GRIN2A: variants seen among roughly 807,000 people sequenced by gnomAD.
The protein encoded by GRIN2A is glutamate ionotropic receptor NMDA type subunit 2A, also known as glutamate receptor ionotropic, NMDA 2A.
Under a neutral mutation model 113.4 loss-of-function variants are expected in GRIN2A, and 22 were observed. The observed-to-expected ratio is 0.19, with a 90% CI of 0.14 to 0.28. GRIN2A has a LOEUF of 0.28. Among genes scored for constraint, GRIN2A ranks in the 10% least tolerant of loss-of-function variants. The probability of loss-of-function intolerance (pLI) is 1.00; values close to 1 mark genes in which losing one functional copy is unlikely to be tolerated. For synonymous variants in GRIN2A, 827 were observed against 738.4 expected (o/e 1.12, Z -1.94); for missense variants, 1,502 against 1,887.0 (o/e 0.80, Z 3.78).
Position 9,921,835 on chromosome 16 carries a change from T to C in GRIN2A, c.1007+16124A>G, listed in dbSNP as rs1432093960. On this transcript the variant is annotated intron_variant, in intron 3 of 12. Coordinates refer to ENST00000330684, the MANE Select transcript of GRIN2A (RefSeq NM_001134407.3). ...ACCTAGGTGTGGGAGAAAGAAAAAC[T>C]GTGCTTCTGTCATGCCTTTGCCATG... Among the ~76,000 whole-genome samples, 3 of 152,300 alleles carry C rather than the reference T, an allele frequency of 2.0e-5. No homozygotes were observed. The East Asian group carries it at 5.8e-4, about 29-fold the overall frequency.
At chr16:10,142,848 C>A (rs1343291821) in intron 2 of GRIN2A, among the ~76,000 whole-genome samples, 1 of 152,192 alleles carries the variant, frequency 6.6e-6, no homozygotes, top group Non-Finnish European at 1.5e-5. Flanking sequence ...GGGTCTCATC[C>A]CTTTTCCAAT....
In GRIN2A at chr16:10,013,981, A is replaced by G. The variant is rs78638256; in HGVS notation, c.415-75430T>C. 7.9e-5 allele frequency among the ~76,000 whole-genome samples: 12 copies of G among 152,296 alleles called. No homozygotes were observed. In the East Asian group the frequency reaches 2.3e-3, roughly 29 times the overall value. ...CTGGGTCAAGCTCCTCTGTTGAATG[A>G]TATTTTCCTTTAGAACATTCAGCTC... On this transcript the variant is annotated intron_variant, in intron 2 of 12. Transcript: ENST00000330684.
intron 2 of GRIN2A, among the ~76,000 whole-genome samples, chr16:10,096,792 CCA>C (rs2048302469): frequency 6.6e-6 from 1 of 152,146 alleles, no homozygotes; most frequent in South Asian, 2.1e-4. Context: ...GGTCAGTCCC[CCA>C]CACATAGACC....
At chr16:9,896,867 A>G (rs1039341751) in intron 3 of GRIN2A, among the ~76,000 whole-genome samples, 3 of 152,172 alleles carry the variant, frequency 2.0e-5, no homozygotes, top group Admixed American at 1.3e-4. Context: ...GGGAAATACC[A>G]TTTTACACCA....
chr16:9,774,959 T>A (rs1260536566), intron 11 of GRIN2A, among the ~76,000 whole-genome samples: 1 of 152,228 alleles, frequency 6.6e-6, no homozygotes, highest in Non-Finnish European at 1.5e-5. Context: ...GACTCTCTTA[T>A]ATCCAAAGTA....
chr16:10,032,192 A>G (rs909437919), intron 2 of GRIN2A, among the ~76,000 whole-genome samples: 1 of 152,254 alleles, frequency 6.6e-6, no homozygotes, highest in Non-Finnish European at 1.5e-5. Flanking sequence ...CAAGAAATCC[A>G]TGAACAAATA....
intron 2 of GRIN2A, among the ~76,000 whole-genome samples, chr16:10,094,104 G>C (rs2048238047): frequency 6.6e-6 from 1 of 152,158 alleles, no homozygotes; most frequent in African/African-American, 2.4e-5. Context: ...TCATGGAGCA[G>C]TTACTCTCTG....
At position 10,039,864 on chromosome 16, in the gene GRIN2A, G is replaced by A. The variant is rs185623962; in HGVS notation, c.415-101313C>T. 9.1e-5 allele frequency among the ~76,000 whole-genome samples: 13 copies of A among 142,990 alleles called. No individual in the cohort carries two copies. In the East Asian group the frequency reaches 2.8e-3, roughly 31 times the overall value. The allele number at this position is 142,990 out of a possible 152,430, so 93.8% of individuals were successfully genotyped here. The stretch of plus-strand genomic sequence containing the variant: ...TCCTGGTCCACACCGCTCAGAGGAG[G>A]GGTGCGGCAGCCACACACTCACCAG... On this transcript the variant is annotated intron_variant, in intron 2 of 12. Coordinates refer to ENST00000330684, the MANE Select transcript of GRIN2A (RefSeq NM_001134407.3).
intron 7 of GRIN2A, among the ~76,000 whole-genome samples, chr16:9,838,792 G>T (rs1474397267): frequency 6.6e-6 from 1 of 152,114 alleles, no homozygotes; most frequent in Non-Finnish European, 1.5e-5. Context: ...TGAACTGGGG[G>T]ATGGGTTTTT....
chr16:9,892,230 T>C (rs965099011), intron 3 of GRIN2A, among the ~76,000 whole-genome samples: 1 of 137,970 alleles, frequency 7.2e-6, no homozygotes, highest in Admixed American at 7.0e-5. Context: ...AAACCCTGTC[T>C]CAGAAAAACA....
At chr16:10,039,210 C>T (rs1432641263) in intron 2 of GRIN2A, among the ~76,000 whole-genome samples, 1 of 152,026 alleles carries the variant, frequency 6.6e-6, no homozygotes, top group African/African-American at 2.4e-5. Context: ...GAGGGGGGAC[C>T]CACTCTTGTT....
chr16:9,972,567 A>AATAAAAATAAAAAAAT (rs1295356451), intron 2 of GRIN2A, among the ~76,000 whole-genome samples: 1 of 152,210 alleles, frequency 6.6e-6, no homozygotes, highest in East Asian at 1.9e-4. Flanking sequence ...TCAGAAGAGG[A>AATAAAAATAAAAAAAT]AAATAAAAAA....
chr16:10,153,138 A>C (rs1532933), intron 2 of GRIN2A, among the ~76,000 whole-genome samples: 1 of 152,016 alleles, frequency 6.6e-6, no homozygotes. Context: ...AACAATTAAT[A>C]TTGTTACAAG....
chr16:9,910,836 C>G lies in GRIN2A; in HGVS notation c.1008-19736G>C, dbSNP rs375887242. On this transcript the variant is annotated intron_variant, in intron 3 of 12. Transcript: ENST00000330684. Reference sequence around the variant, plus strand: ...TACAGGCATGAGCCACTGCACCCAGCCTTAGAGTTCTTTTGATTCAATCTT... The same window carrying G: ...TACAGGCATGAGCCACTGCACCCAGGCTTAGAGTTCTTTTGATTCAATCTT... Among the ~76,000 whole-genome samples, 7 of 152,094 alleles carry G rather than the reference C, an allele frequency of 4.6e-5. 1 individual carries two copies. Among genetic ancestry groups the G allele is most frequent in the Admixed American group, 3.9e-4 (6 of 15,268 alleles).
chr16:10,103,983 C>G (rs189395620), intron 2 of GRIN2A, among the ~76,000 whole-genome samples: 1 of 152,314 alleles, frequency 6.6e-6, no homozygotes, highest in African/African-American at 2.4e-5. Context: ...CCTGTACCTC[C>G]CTTAGTCATG....
intron 2 of GRIN2A, among the ~76,000 whole-genome samples, chr16:10,143,277 G>A (rs547986196): frequency 2.6e-5 from 4 of 152,316 alleles, no homozygotes; most frequent in South Asian, 2.1e-4. Flanking sequence ...CCTCCTTAAC[G>A]TGGTGTATTC....
intron 2 of GRIN2A, among the ~76,000 whole-genome samples, chr16:10,067,735 C>T (rs1285128106): frequency 1.3e-5 from 2 of 152,002 alleles, no homozygotes; most frequent in East Asian, 3.9e-4. Context: ...GGGACACATT[C>T]CCACCCCCAC....
intron 2 of GRIN2A, among the ~76,000 whole-genome samples, chr16:9,972,033 A>AGTCCAC (rs2045682207): frequency 6.6e-6 from 1 of 152,188 alleles, no homozygotes; most frequent in Non-Finnish European, 1.5e-5. Context: ...GAGACCTGGA[A>AGTCCAC]GTCCACGGCC....
At chr16:9,836,324 G>C (rs574011574) in intron 7 of GRIN2A, among the ~76,000 whole-genome samples, 82 of 152,306 alleles carry the variant, frequency 5.4e-4, no homozygotes, top group African/African-American at 1.9e-3. Flanking sequence ...CGCTGTCCAT[G>C]GTTCTGAAAA....
Sources: gnomAD v4.1 joint callset for allele counts (sites outside exome capture counted in the v4.1 genomes callset) on GRCh38, gnomAD v4.1.1 for gene constraint, MANE v1.5 for transcripts, NCBI Gene and HGNC (gene_info 2026-07-23, HGNC 2026-07-21) for gene names.